The following DNHD1 variants were observed in gnomAD, a reference collection of about 807,000 sequenced individuals.
The protein encoded by DNHD1 is dynein heavy chain domain-containing protein 1.
Under a neutral mutation model 458.1 loss-of-function variants are expected in DNHD1, and 383 were observed. The observed-to-expected ratio is 0.84, with a 90% confidence interval of 0.77 to 0.91. The LOEUF (loss-of-function observed/expected upper bound fraction) is 0.91, where lower values mean the gene tolerates loss of function less well. Among genes scored for constraint, DNHD1 ranks in the 40% least tolerant of loss-of-function variants. The pLI, the probability that DNHD1 is intolerant of heterozygous loss-of-function variation, is 0.00. For missense variants in DNHD1, 5,336 were observed against 5,866.1 expected, an observed-to-expected ratio of 0.91 and a Z score of 2.95; for synonymous variants, 2,203 against 2,376.9, an observed-to-expected ratio of 0.93 and a Z score of 2.13.
chr11:6,531,872 TA>T (rs1852835095), intron 12 of DNHD1, among the ~76,000 whole-genome samples: 1 of 152,210 alleles, frequency 6.6e-6, no homozygotes, highest in African/African-American at 2.4e-5. Context: ...AAATACTTTT[TA>T]TAAACATATA....
rs1485435397 is a variant in DNHD1, at chr11:6,544,945, G to C, written c.4006G>C (p.Val1336Leu). 6.4e-7 allele frequency: 1 copy of C among 1,551,754 alleles called. No homozygotes were observed. The highest frequency in any genetic ancestry group is 2.0e-5 in the Admixed American group (1 of 51,006). The change falls in exon 21 of 43, where the codon GTG (valine) becomes CTG (leucine). Residue 1336 changes from valine to leucine, a missense_variant. By Grantham distance (32) the Val-to-Leu change is conservative. Around this residue, in one of 4 missense-constraint regions of DNHD1, gnomAD observed 3,932 missense variants for 4,365.6 expected, o/e 0.90. Coordinates refer to ENST00000254579, the MANE Select transcript of DNHD1 (RefSeq NM_144666.3). ...QLQQLLQAGSVELEGIIMSLE... is the reference protein window; with the variant it reads ...QLQQLLQAGSLELEGIIMSLE... The stretch of plus-strand genomic sequence containing the variant: ...GCAACAACTGCTGCAAGCAGGATCG[G>C]TGGAGCTGGAGGGCATCATCATGAG...
At position 6,506,694 on chromosome 11, in the gene DNHD1, C is replaced by T. The variant is rs72897865; in HGVS notation, c.921-2186C>T. Among the ~76,000 whole-genome samples, 1,256 of 152,308 alleles carry T rather than the reference C, an allele frequency of 8.2e-3. 9 individuals are homozygous for T. Among genetic ancestry groups the T allele is most frequent in the Non-Finnish European group, 0.013 (877 of 68,028 alleles). ...TTTGCTCAGCTGTCACTCCCCCACCCTTACCACCCCATTTAAAATTGCACT... is the reference window on the plus strand; with the variant it reads ...TTTGCTCAGCTGTCACTCCCCCACCTTTACCACCCCATTTAAAATTGCACT... On this transcript the variant is annotated intron_variant, in intron 4 of 42. Transcript: ENST00000254579.
chr11:6,509,333 A>G, intron 6 of DNHD1, 61 bp downstream of exon 6: 1 of 1,421,976 alleles, frequency 7.0e-7, no homozygotes, highest in Non-Finnish European at 9.6e-7. Flanking sequence ...TAAAGGTAAT[A>G]GTATGTTTGT....
Position 6,564,130 on chromosome 11 carries a change from C to A in DNHD1, c.10284+6C>A. On this transcript the variant is annotated splice_donor_region_variant and intron_variant, in intron 31 of 42. Transcript: ENST00000254579. ...CCTGGACTACACAGCTCCAGGTAACCATCCCCCTCCCAGATGTCTCCCCCA... is the reference window on the plus strand; with the variant it reads ...CCTGGACTACACAGCTCCAGGTAACAATCCCCCTCCCAGATGTCTCCCCCA... The A allele has an allele frequency of 6.5e-7, 1 of 1,546,232 alleles. No individual in the cohort carries two copies. The highest frequency in any genetic ancestry group is 1.2e-5 in the South Asian group (1 of 83,930).
In DNHD1 at chr11:6,548,621, G is replaced by C. The variant is rs142892934; in HGVS notation, c.7099-24G>C. ...ACTGTCTTATACTGGAGGTGCTGCA[G>C]TAAGTCCCACTTCTGTCTTGCAGAC... is the stretch of plus-strand genomic sequence containing the variant. On this transcript the variant is annotated intron_variant, in intron 23 of 42. Transcript: ENST00000254579. This position sits in a 1 kb window ranked among gnomAD's most constrained non-coding sequence, Gnocchi z 4.4. 5.4e-3 allele frequency: 8,401 copies of C among 1,550,730 alleles called. 30 individuals carry two copies. The highest frequency in any genetic ancestry group is 6.6e-3 in the Non-Finnish European group (7,580 of 1,146,834).
Position 6,563,576 on chromosome 11 carries a change from G to A in DNHD1, c.9852+12G>A, listed in dbSNP as rs73407197. On this transcript the variant is annotated intron_variant, in intron 30 of 42. Transcript: ENST00000254579. The stretch of plus-strand genomic sequence containing the variant: ...AGGATTTTTATCAGGTAGGAAGGGT[G>A]GAGCACAATGAAGGAGGATAGGGGA... 37,698 of 1,550,854 alleles carry A rather than the reference G, an allele frequency of 0.024. 1,514 individuals are homozygous for A. Among genetic ancestry groups the A allele is most frequent in the African/African-American group, 0.18 (13,134 of 73,068 alleles).
Position 6,566,889 on chromosome 11 carries a change from A to G in DNHD1, c.11386-6A>G. Reference sequence around the variant, plus strand: ...CCAGATCCATCCAACAAATGAGTGTATGCAGGAGCGGCTGCTGACGATGCT... The same window carrying G: ...CCAGATCCATCCAACAAATGAGTGTGTGCAGGAGCGGCTGCTGACGATGCT... On this transcript the variant is annotated splice_region_variant and splice_polypyrimidine_tract_variant and intron_variant, in intron 35 of 42. Transcript: ENST00000254579. The G allele has an allele frequency of 6.2e-7, 1 of 1,611,000 alleles. No homozygotes were observed. The highest frequency in any genetic ancestry group is 8.5e-7 in the Non-Finnish European group (1 of 1,178,374).
At position 6,567,048 on chromosome 11, in the gene DNHD1, T is replaced by C. The variant is rs1348747833; in HGVS notation, c.11539T>C (p.Trp3847Arg). ...GCAGAAACTACAGGAGATGGTATTG[T>C]GGGCACCCTATCGACCTGTGGTTTG... The part of the protein sequence containing the change: ...EGQKLQEMVL[W>R]APYRPVVWHG... Residue 3847 changes from tryptophan (W) to arginine (R), a missense_variant, in exon 36 of 43, where the codon TGG (tryptophan) becomes CGG (arginine). Coordinates refer to ENST00000254579, the MANE Select transcript of DNHD1 (RefSeq NM_144666.3). The C allele has an allele frequency of 1.2e-6, 2 of 1,613,898 alleles. No individual in the cohort carries two copies. Among genetic ancestry groups the C allele is most frequent in the Non-Finnish European group, 1.7e-6 (2 of 1,179,902 alleles).
intron 7 of DNHD1, among the ~76,000 whole-genome samples, chr11:6,513,646 A>C (rs1230430629): frequency 6.6e-6 from 1 of 152,172 alleles, no homozygotes; most frequent in Non-Finnish European, 1.5e-5. Context: ...CCAGTTTTTT[A>C]CTATTATGAA....
At chr11:6,502,620 C>T (rs562281678) in intron 3 of DNHD1, 133 bp from the exon 4 acceptor site, 35 of 705,910 alleles carry the variant, frequency 5.0e-5, no homozygotes, top group Middle Eastern at 7.6e-4. Flanking sequence ...TAGTCAGGCT[C>T]GACAATGCCA....
chr11:6,549,031 G>A (rs1287417880), intron 24 of DNHD1, 98 bp downstream of exon 24: 14 of 1,325,242 alleles, frequency 1.1e-5, no homozygotes, highest in Non-Finnish European at 1.4e-5. Context: ...TATGTCTGTA[G>A]ATCTAACTTT....
chr11:6,505,922 T>A lies in DNHD1; in HGVS notation c.921-2958T>A, dbSNP rs79834030. ...GGATGGAATGCCTACAAACCATAGTTGGGAGCTTACAGAAAGCAAATGACA... is the reference window on the plus strand; with the variant it reads ...GGATGGAATGCCTACAAACCATAGTAGGGAGCTTACAGAAAGCAAATGACA... On this transcript the variant is annotated intron_variant, in intron 4 of 42. Transcript: ENST00000254579. This position sits in a 1 kb window ranked among gnomAD's most constrained non-coding sequence, Gnocchi z 4.4. Among the ~76,000 whole-genome samples, 373 of 152,332 alleles carry A rather than the reference T, an allele frequency of 2.4e-3. 4 individuals carry two copies. In the East Asian group the frequency reaches 0.031, roughly 13 times the overall value.
At chr11:6,538,587 T>C (rs1254780340) in intron 15 of DNHD1, 25 bp from the exon 16 acceptor site, 1 of 1,549,320 alleles carries the variant, frequency 6.5e-7, no homozygotes, top group South Asian at 1.2e-5. Flanking sequence ...AGTCTCAAGC[T>C]GACAGTGAGC....
chr11:6,557,138 G>T lies in DNHD1; in HGVS notation c.7843G>T (p.Asp2615Tyr). The change falls in exon 25 of 43, where the codon GAC becomes TAC. Residue 2615 changes from aspartate to tyrosine, a missense_variant. By Grantham distance (160) the Asp-to-Tyr change is radical. Around this residue, in one of 4 missense-constraint regions of DNHD1, gnomAD observed 3,932 missense variants for 4,365.6 expected, o/e 0.90. Coordinates refer to ENST00000254579, the MANE Select transcript of DNHD1 (RefSeq NM_144666.3). The part of the protein sequence containing the change: ...PNRTGSRGFV[D>Y]YPNHQEHLRR... The stretch of plus-strand genomic sequence containing the variant: ...CAGAACAGGCTCCCGAGGTTTTGTG[G>T]ACTATCCCAACCACCAGGAGCACTT... The T allele has an allele frequency of 6.4e-7, 1 of 1,551,732 alleles. No individual in the cohort carries two copies. The highest frequency in any genetic ancestry group is 8.7e-7 in the Non-Finnish European group (1 of 1,147,000).
rs773932014 is a variant in DNHD1, at chr11:6,519,968, C to G, written c.1651C>G (p.Pro551Ala). ...TTCCTGACCCTTTTTTTTACAGGCC[C>G]CAAGGCAGAAACCCTTTCTCTCATC... ...TSFVANILQA[P>A]RQKPFLSSQL... The change falls in exon 9 of 43, where the codon CCA (proline) becomes GCA (alanine). Residue 551 changes from proline (P) to alanine (A), a missense_variant. Physicochemically the swap from Pro to Ala is conservative, Grantham distance 27. Around this residue, in one of 4 missense-constraint regions of DNHD1, gnomAD observed 3,932 missense variants for 4,365.6 expected, o/e 0.90. Coordinates refer to ENST00000254579, the MANE Select transcript of DNHD1 (RefSeq NM_144666.3). 6.9e-5 allele frequency: 111 copies of G among 1,613,796 alleles called. No individual in the cohort carries two copies. Among genetic ancestry groups the G allele is most frequent in the Non-Finnish European group, 8.9e-5 (105 of 1,179,968 alleles).
chr11:6,540,466 A>T (rs1853076088), intron 18 of DNHD1, among the ~76,000 whole-genome samples: 1 of 152,064 alleles, frequency 6.6e-6, no homozygotes, highest in South Asian at 2.1e-4. Context: ...CCCTCATCAA[A>T]CCTGCCTCCT....
chr11:6,546,948 C>T lies in DNHD1; in HGVS notation c.6009C>T (p.His2003=). ...PAGSGKTTCW[H]SLFKIQNRLA... ...GCAGCGGCAAGACCACTTGTTGGCA[C>T]AGCTTATTTAAGATCCAGAATCGGC... Residue 2003 remains histidine (H), a synonymous_variant, in exon 21 of 43, where the codon CAC becomes CAT. Transcript: ENST00000254579. The T allele has an allele frequency of 6.4e-7, 1 of 1,551,602 alleles. No individual in the cohort carries two copies. The highest frequency in any genetic ancestry group is 8.7e-7 in the Non-Finnish European group (1 of 1,146,932).
chr11:6,538,673 G>C lies in DNHD1; in HGVS notation c.3188G>C (p.Ser1063Thr). 6.5e-7 allele frequency: 1 copy of C among 1,549,432 alleles called. No homozygotes were observed. The highest frequency in any genetic ancestry group is 8.7e-7 in the Non-Finnish European group (1 of 1,145,468). The change falls in exon 16 of 43, where the codon AGC (serine) becomes ACC (threonine). Residue 1063 changes from serine (S) to threonine (T), a missense_variant. This residue lies in a region of DNHD1 where 3,932 missense variants were observed against 4,365.6 expected (regional missense o/e 0.90). Transcript: ENST00000254579. ...EGWLTEAARM[S>T]TTLELHSPVL... Reference sequence around the variant, plus strand: ...TGGCTGACAGAGGCAGCACGGATGAGCACAACCCTGGAGCTGCACAGCCCC... The same window carrying C: ...TGGCTGACAGAGGCAGCACGGATGACCACAACCCTGGAGCTGCACAGCCCC...
intron 28 of DNHD1, among the ~76,000 whole-genome samples, chr11:6,560,719 T>C (rs1853570168): frequency 6.6e-6 from 1 of 152,152 alleles, no homozygotes; most frequent in Non-Finnish European, 1.5e-5. Flanking sequence ...TAATAGTGTG[T>C]ACTTCTTCCA....
Sources: allele counts gnomAD v4.1 joint callset (sites outside exome capture counted in the v4.1 genomes callset), GRCh38; gene constraint gnomAD v4.1.1; regional missense constraint gnomAD v4.1.1; non-coding constraint Gnocchi (gnomAD v3.1); transcripts MANE v1.5; gene names NCBI Gene and HGNC (gene_info 2026-07-23, HGNC 2026-07-21).